TIPIN: variants seen among roughly 807,000 people sequenced by gnomAD.
TIPIN encodes the protein TIMELESS-interacting protein.
Under a neutral mutation model 35.6 loss-of-function variants are expected in TIPIN, and 29 were observed. That is an observed-to-expected ratio of 0.82 (90% CI 0.61 to 1.11). The LOEUF is 1.11. Among genes scored for constraint, TIPIN ranks in the 50% most tolerant of loss-of-function variants. The pLI is 0.00. For missense variants in TIPIN, 296 were observed against 345.4 expected (o/e 0.86, Z 1.13); for synonymous variants, 102 against 121.5 (o/e 0.84, Z 1.06).
intron 1 of TIPIN, among the ~76,000 whole-genome samples, chr15:66,380,932 T>C (rs1218910033): frequency 1.3e-5 from 2 of 152,206 alleles, no homozygotes; most frequent in Non-Finnish European, 2.9e-5. Flanking sequence ...TATTTAATCA[T>C]ACGGGTGTGT....
intron 7 of TIPIN, among the ~76,000 whole-genome samples, chr15:66,339,496 A>G (rs185196034): frequency 1.3e-4 from 20 of 152,232 alleles, no homozygotes; most frequent in Admixed American, 1.1e-3. Flanking sequence ...TTCATTCAAA[A>G]CCAACTTGCA....
upstream of TIPIN, among the ~76,000 whole-genome samples, chr15:66,361,258 A>G (rs1369207409): frequency 7.1e-6 from 1 of 140,648 alleles, no homozygotes; most frequent in Non-Finnish European, 1.6e-5. Flanking sequence ...TTCTATTGTA[A>G]TTTTTTTTTT....
At chr15:66,338,962 C>T (rs1335621401) in intron 7 of TIPIN, among the ~76,000 whole-genome samples, 2 of 150,714 alleles carry the variant, frequency 1.3e-5, no homozygotes, top group Non-Finnish European at 3.0e-5. Context: ...GAAATCCCTT[C>T]TCTACTAAAA....
intron 2 of TIPIN, 84 bp from the exon 3 acceptor site, chr15:66,352,291 T>C (rs1595798675): frequency 9.1e-7 from 1 of 1,099,498 alleles, no homozygotes; most frequent in African/African-American, 1.6e-5. Flanking sequence ...GCTGATAAGA[T>C]AACTAAACAT....
Position 66,349,124 on chromosome 15 carries a change from C to A in TIPIN, c.412-1G>T. On this transcript the variant is annotated splice_acceptor_variant, in intron 5 of 7. Coordinates refer to ENST00000261881, the MANE Select transcript of TIPIN (RefSeq NM_017858.3). LOFTEE classifies it high-confidence loss of function. ...CAAGTCGAATTCGTTTTAAACAGGT[C>A]TGAAAATGAAAAGAGATTATTTATT... 6.2e-7 allele frequency: 1 copy of A among 1,610,484 alleles called. No homozygotes were observed. The highest frequency in any genetic ancestry group is 1.1e-5 in the South Asian group (1 of 90,828).
chr15:66,367,510 TC>T (rs2093261060), intron 1 of TIPIN, among the ~76,000 whole-genome samples: 3 of 151,640 alleles, frequency 2.0e-5, no homozygotes. Context: ...TTCTCCTGCC[TC>T]AGCCTCCGAA....
chr15:66,379,749 A>G, intron 1 of TIPIN: 1 of 1,607,124 alleles, frequency 6.2e-7, no homozygotes. Context: ...TTTGTCAACC[A>G]GAGCCTCTTT....
chr15:66,383,676 G>A (rs917004945), intron 1 of TIPIN: 2 of 740,782 alleles, frequency 2.7e-6, no homozygotes, highest in Non-Finnish European at 3.3e-6. Flanking sequence ...TTACATCTAT[G>A]CCTCTATATT....
intron 6 of TIPIN, chr15:66,347,450 G>A: frequency 3.0e-6 from 1 of 337,772 alleles, no homozygotes; most frequent in East Asian, 7.7e-5. Context: ...ATCCAATGGT[G>A]TATATGTATA....
intron 7 of TIPIN, among the ~76,000 whole-genome samples, chr15:66,339,044 A>G (rs1285467650): frequency 6.9e-6 from 1 of 145,388 alleles, no homozygotes; most frequent in Non-Finnish European, 1.5e-5. Context: ...AAGCAGGGGA[A>G]CTGCTTGAAC....
chr15:66,366,838 A>ATG, intron 1 of TIPIN: 1 of 985,020 alleles, frequency 1.0e-6, no homozygotes, highest in Non-Finnish European at 1.2e-6. Flanking sequence ...GCAGTGGACT[A>ATG]TGTGTGTCCA....
chr15:66,383,598 C>T, intron 1 of TIPIN: 1 of 984,826 alleles, frequency 1.0e-6, no homozygotes, highest in African/African-American at 1.7e-5. Flanking sequence ...TATTATTTTA[C>T]TCTGATACTA....
chr15:66,351,094 T>TGA (rs2093164810), intron 4 of TIPIN, among the ~76,000 whole-genome samples: 3 of 152,164 alleles, frequency 2.0e-5, no homozygotes, highest in African/African-American at 7.2e-5. Flanking sequence ...GTAAAGTGAT[T>TGA]CAGTTACTAA....
chr15:66,367,814 C>CTGTTA (rs1270769744), intron 1 of TIPIN, among the ~76,000 whole-genome samples: 1 of 149,438 alleles, frequency 6.7e-6, no homozygotes, highest in Non-Finnish European at 1.5e-5. Context: ...CCAAATGTCC[C>CTGTTA]TGTTATACAT....
At chr15:66,347,016 C>G (rs767229282) in intron 6 of TIPIN, among the ~76,000 whole-genome samples, 65 of 151,972 alleles carry the variant, frequency 4.3e-4, no homozygotes, top group South Asian at 8.3e-4. Context: ...AGGATGGTCT[C>G]GATCTCCTGA....
chr15:66,345,364 A>G (rs2093117566), intron 6 of TIPIN, among the ~76,000 whole-genome samples: 1 of 152,130 alleles, frequency 6.6e-6, no homozygotes. Flanking sequence ...GTTTGAGGCC[A>G]GGAGATACAG....
At chr15:66,386,714 C>G in exon 1 of TIPIN, 1 of 186,378 alleles carries the variant, frequency 5.4e-6, no homozygotes, top group Non-Finnish European at 1.1e-5. Flanking sequence ...ACAGAGGGCG[C>G]CACGGCGTCC....
intron 7 of TIPIN, 128 bp from the exon 8 acceptor site, chr15:66,337,309 C>A: frequency 1.0e-5 from 6 of 578,620 alleles, no homozygotes; most frequent in East Asian, 3.0e-5. Flanking sequence ...TAATTATGAT[C>A]ACTTTCTTCT....
intron 1 of TIPIN, among the ~76,000 whole-genome samples, chr15:66,373,785 C>T (rs1834933624): frequency 6.6e-6 from 1 of 152,146 alleles, no homozygotes; most frequent in South Asian, 2.1e-4. Flanking sequence ...TCACTGCAGC[C>T]TCCAACTACT....
Sources: gnomAD v4.1 joint callset for allele counts (sites outside exome capture counted in the v4.1 genomes callset) on GRCh38, gnomAD v4.1.1 for gene constraint, MANE v1.5 for transcripts, NCBI Gene and HGNC (gene_info 2026-07-23, HGNC 2026-07-21) for gene names.